Variants in RIN3 observed in about 807,000 individuals in gnomAD.
RIN3 encodes Ras and Rab interactor 3.
RIN3 carries 54 observed loss-of-function variants against 76.3 expected under a neutral mutation model. The observed-to-expected ratio is 0.71, with a 90% CI of 0.57 to 0.89. RIN3 has a LOEUF of 0.89. Ranked by LOEUF, RIN3 falls within the 40% of genes least tolerant of loss-of-function variation. The pLI is 0.00. For missense variants in RIN3, 1,256 were observed against 1,322.1 expected (o/e 0.95, Z 0.78); for synonymous variants, 576 against 564.0 (o/e 1.02, Z -0.30).
chr14:92,680,225 A>C (rs183162108), intron 8 of RIN3, among the ~76,000 whole-genome samples: 196 of 142,786 alleles, frequency 1.4e-3, no homozygotes, highest in African/African-American at 5.4e-3. Context: ...TTTGAGACAG[A>C]GTCTCTGTCT....
At chr14:92,613,551 T>C (rs766553011) in intron 3 of RIN3, among the ~76,000 whole-genome samples, 1 of 152,130 alleles carries the variant, frequency 6.6e-6, no homozygotes, top group Non-Finnish European at 1.5e-5. Flanking sequence ...GAACACAACA[T>C]GTTGGTTCGC....
chr14:92,655,712 T>G (rs1224694603), intron 6 of RIN3, among the ~76,000 whole-genome samples: 1 of 151,984 alleles, frequency 6.6e-6, no homozygotes, highest in Non-Finnish European at 1.5e-5. Context: ...TGGGGAGACA[T>G]GATTGGATTC....
intron 7 of RIN3, among the ~76,000 whole-genome samples, chr14:92,670,608 G>A (rs1888257161): frequency 2.6e-5 from 4 of 152,222 alleles, no homozygotes; most frequent in Non-Finnish European, 5.9e-5. Flanking sequence ...TATCATGCCT[G>A]TGTGGATACT....
At chr14:92,519,375 T>C (rs1896530353) in intron 1 of RIN3, among the ~76,000 whole-genome samples, 1 of 152,240 alleles carries the variant, frequency 6.6e-6, no homozygotes, top group Non-Finnish European at 1.5e-5. Flanking sequence ...GACCCATGGC[T>C]CCTTGCCAAG....
At chr14:92,565,341 A>G (rs1322091566) in intron 2 of RIN3, among the ~76,000 whole-genome samples, 1 of 152,198 alleles carries the variant, frequency 6.6e-6, no homozygotes, top group Non-Finnish European at 1.5e-5. Context: ...GTTACCAGAA[A>G]GGGGTCCCAA....
rs1407252628 is a variant in RIN3 at position 92,617,181 on chromosome 14, T to C, written c.440+1702T>C. ...TGGGCGTAGTGGCGGGCGCCTGTAA[T>C]CCTAGCTACTCAGGAGGCTGAAACA... is the stretch of plus-strand genomic sequence containing the variant. On this transcript the variant is annotated intron_variant, in intron 4 of 9. Coordinates refer to ENST00000216487, the MANE Select transcript of RIN3 (RefSeq NM_024832.5). 2.0e-5 allele frequency among the ~76,000 whole-genome samples: 3 copies of C among 151,874 alleles called. No homozygotes were observed. In the East Asian group the frequency reaches 5.8e-4, roughly 29 times the overall value.
At chr14:92,677,646 T>C (rs1456207424) in intron 8 of RIN3, among the ~76,000 whole-genome samples, 2 of 152,104 alleles carry the variant, frequency 1.3e-5, no homozygotes, top group Non-Finnish European at 2.9e-5. Context: ...AAAAATGTCC[T>C]GTAATGGGAA....
chr14:92,518,905 G>A (rs1213297191), intron 1 of RIN3, among the ~76,000 whole-genome samples: 2 of 151,582 alleles, frequency 1.3e-5, no homozygotes, highest in African/African-American at 4.8e-5. Context: ...AAGAGGCGTG[G>A]GTGTTTGCAT....
At chr14:92,539,272 TGAATAAATACTTACTGGGC>T (rs958629719) in intron 1 of RIN3, among the ~76,000 whole-genome samples, 2 of 152,166 alleles carry the variant, frequency 1.3e-5, no homozygotes, top group African/African-American at 4.8e-5. Flanking sequence ...TACTAAGTGC[TGAATAAATACTTACTGGGC>T]GAATAAATAC....
In RIN3 at chr14:92,623,397, A is replaced by G. The variant is rs1300287962; in HGVS notation, c.440+7918A>G. Among the ~76,000 whole-genome samples the G allele has an allele frequency of 6.6e-6, 1 of 152,244 alleles. No individual in the cohort carries two copies. Among genetic ancestry groups the G allele is most frequent in the Non-Finnish European group, 1.5e-5 (1 of 68,048 alleles). ...ATTCCTTGGATAGCATCCCTAGTGT[A>G]ATTAATAAATCGCTGCTGGTTATAA... On this transcript the variant is annotated intron_variant, in intron 4 of 9. Coordinates refer to ENST00000216487, the MANE Select transcript of RIN3 (RefSeq NM_024832.5). The surrounding 1 kb of genome is among the most constrained non-coding windows in gnomAD (Gnocchi z 4.9).
intron 1 of RIN3, among the ~76,000 whole-genome samples, chr14:92,516,053 C>T (rs1041219376): frequency 1.3e-5 from 2 of 152,252 alleles, no homozygotes; most frequent in East Asian, 3.9e-4. Context: ...CAGTAGCTTT[C>T]AGGGGGTAGG....
chr14:92,595,799 C>T (rs143184183), intron 3 of RIN3, among the ~76,000 whole-genome samples: 171 of 152,290 alleles, frequency 1.1e-3, no homozygotes, highest in Admixed American at 4.8e-3. Context: ...TTTGCCTAAC[C>T]CCAGATGTCC....
intron 7 of RIN3, among the ~76,000 whole-genome samples, chr14:92,670,707 T>C (rs1595500698): frequency 6.6e-6 from 1 of 152,148 alleles, no homozygotes; most frequent in East Asian, 1.9e-4. Flanking sequence ...ATTTCTCCCA[T>C]CTCTGAGCCT....
chr14:92,600,085 G>A (rs1885291567), intron 3 of RIN3, among the ~76,000 whole-genome samples: 2 of 152,214 alleles, frequency 1.3e-5, no homozygotes, highest in Admixed American at 6.5e-5. Flanking sequence ...TAGGAGCAGT[G>A]CTCTAAATAA....
intron 2 of RIN3, among the ~76,000 whole-genome samples, chr14:92,557,488 C>T (rs552648214): frequency 2.6e-5 from 4 of 152,342 alleles, no homozygotes; most frequent in South Asian, 2.1e-4. Context: ...AGAGTCCAGA[C>T]GTATAAGTAC....
At chr14:92,571,251 G>A (rs1024855358) in intron 2 of RIN3, among the ~76,000 whole-genome samples, 1 of 152,170 alleles carries the variant, frequency 6.6e-6, no homozygotes, top group Non-Finnish European at 1.5e-5. Flanking sequence ...GGAGTTGCCC[G>A]ATTTGTGAAT....
chr14:92,607,475 G>A (rs1054315716), intron 3 of RIN3, among the ~76,000 whole-genome samples: 1 of 152,196 alleles, frequency 6.6e-6, no homozygotes. Context: ...AATTAGCTGG[G>A]TGTGGTGGTG....
At chr14:92,675,154 T>C (rs1888418235) in intron 7 of RIN3, among the ~76,000 whole-genome samples, 1 of 152,240 alleles carries the variant, frequency 6.6e-6, no homozygotes, top group Non-Finnish European at 1.5e-5. Context: ...TGTAACTGTT[T>C]TCCTTTTTGC....
intron 3 of RIN3, among the ~76,000 whole-genome samples, chr14:92,581,912 CAG>C (rs1454080910): frequency 1.3e-5 from 2 of 152,172 alleles, no homozygotes; most frequent in Non-Finnish European, 2.9e-5. Context: ...GGGGAAACAT[CAG>C]GGGCAGGGAG....
Sources: allele counts gnomAD v4.1 joint callset (sites outside exome capture counted in the v4.1 genomes callset), GRCh38; gene constraint gnomAD v4.1.1; non-coding constraint Gnocchi (gnomAD v3.1); transcripts MANE v1.5; gene names NCBI Gene and HGNC (gene_info 2026-07-23, HGNC 2026-07-21).